BBX: variants seen among roughly 807,000 people sequenced by gnomAD.
BBX encodes the protein HMG box transcription factor BBX.
BBX carries 30 observed loss-of-function variants against 100.2 expected under a neutral mutation model. The ratio of observed to expected loss-of-function variants is 0.30; its 90% CI spans 0.22 to 0.41. The LOEUF (loss-of-function observed/expected upper bound fraction) is 0.41, where lower values mean the gene tolerates loss of function less well. BBX is among the 10% of genes least tolerant of loss of function. The pLI, the probability that BBX is intolerant of heterozygous loss-of-function variation, is 1.00. For missense variants in BBX, 1,023 were observed against 1,129.8 expected, an observed-to-expected ratio of 0.91 and a Z score of 1.35; for synonymous variants, 376 against 388.1, an observed-to-expected ratio of 0.97 and a Z score of 0.37.
At chr3:107,636,888 T>C (rs532185937) in intron 2 of BBX, among the ~76,000 whole-genome samples, 6 of 152,232 alleles carry the variant, frequency 3.9e-5, no homozygotes, top group Non-Finnish European at 7.3e-5. Context: ...CTGTAGAGAA[T>C]GTGCTTAGTT....
At chr3:107,579,991 C>T (rs920850646) in intron 2 of BBX, among the ~76,000 whole-genome samples, 2 of 151,816 alleles carry the variant, frequency 1.3e-5, no homozygotes, top group South Asian at 2.1e-4. Flanking sequence ...ATATTTATGG[C>T]GGTGGATTTT....
In BBX at chr3:107,710,528, G is replaced by A. The variant is rs777321618; in HGVS notation, c.68G>A (p.Arg23Gln). Residue 23 changes from arginine to glutamine, a missense_variant, in exon 4 of 18, where the codon CGA becomes CAA. Physicochemically the swap from Arg to Gln is conservative, Grantham distance 43. This residue lies in a region of BBX where 229 missense variants were observed against 226.3 expected (regional missense o/e 1.01). Transcript: ENST00000325805. The part of the protein sequence containing the change: ...EGEGVGKRPK[R>Q]KCLQWHPLLA... Reference sequence around the variant, plus strand: ...GAAGGGGTTGGAAAACGACCAAAACGAAAGTGTCTTCAGTGGCATCCATTG... The same window carrying A: ...GAAGGGGTTGGAAAACGACCAAAACAAAAGTGTCTTCAGTGGCATCCATTG... The A allele has an allele frequency of 8.7e-6, 14 of 1,613,668 alleles. No individual in the cohort carries two copies. Among genetic ancestry groups the A allele is most frequent in the African/African-American group, 2.7e-5 (2 of 74,872 alleles).
At position 107,773,208 on chromosome 3, in the gene BBX, G is replaced by A; in HGVS notation, c.1487G>A (p.Gly496Glu). Residue 496 changes from glycine to glutamate, a missense_variant, in exon 11 of 18, where the codon GGA becomes GAA. Around this residue, in one of 9 missense-constraint regions of BBX, gnomAD observed 348 missense variants for 353.2 expected, o/e 0.99. Transcript: ENST00000325805. The surrounding 1 kb of genome is among the most constrained non-coding windows in gnomAD (Gnocchi z 4.1). ...VIYTIEAVAK[G>E]DWGIEKLGDT... is the part of the protein sequence containing the mutation. ...TATACCATTGAAGCCGTCGCAAAAG[G>A]AGACTGGGGCATAGAGAAACTTGGA... is the stretch of plus-strand genomic sequence containing the variant. 6.2e-7 allele frequency: 1 copy of A among 1,614,096 alleles called. No homozygotes were observed. Among genetic ancestry groups the A allele is most frequent in the Non-Finnish European group, 8.5e-7 (1 of 1,180,002 alleles).
At chr3:107,720,785 A>G (rs2062473547) in intron 5 of BBX, among the ~76,000 whole-genome samples, 1 of 152,014 alleles carries the variant, frequency 6.6e-6, no homozygotes, top group African/African-American at 2.4e-5. Flanking sequence ...TAGTTCTTTC[A>G]TATTTCTTCA....
intron 2 of BBX, among the ~76,000 whole-genome samples, chr3:107,574,849 A>G (rs565582279): frequency 2.0e-5 from 3 of 152,282 alleles, no homozygotes; most frequent in Non-Finnish European, 2.9e-5. Context: ...GTATAAGCCA[A>G]CTCAAGTGGA....
chr3:107,627,447 GGTTATTTAGGTT>G (rs2056262774), intron 2 of BBX, among the ~76,000 whole-genome samples: 1 of 152,168 alleles, frequency 6.6e-6, no homozygotes, highest in Non-Finnish European at 1.5e-5. Flanking sequence ...TTGTTATTTA[GGTTATTTAGGTT>G]GTTATTTAGG....
intron 3 of BBX, among the ~76,000 whole-genome samples, chr3:107,667,672 A>G (rs2058823209): frequency 1.3e-5 from 2 of 151,966 alleles, no homozygotes; most frequent in South Asian, 2.1e-4. Context: ...TTTGAACTGC[A>G]TATTTTTTAC....
rs775375736 is a variant in BBX at position 107,778,445 on chromosome 3, G to A, written c.2129G>A (p.Arg710Gln). The A allele has an allele frequency of 6.2e-6, 10 of 1,613,132 alleles. No homozygotes were observed. The highest frequency in any genetic ancestry group is 4.5e-5 in the East Asian group (2 of 44,874). ...LPQYSPVTFDRKCVPVPRKKK... is the reference protein window; with the variant it reads ...LPQYSPVTFDQKCVPVPRKKK... ...CAATATAGTCCTGTTACATTTGACC[G>A]GAAATGTGTACCTGTCCCAAGAAAA... The change falls in exon 13 of 18, where the codon CGG (arginine) becomes CAG (glutamine). Residue 710 changes from arginine to glutamine, a missense_variant. Transcript: ENST00000325805.
intron 7 of BBX, among the ~76,000 whole-genome samples, chr3:107,735,239 G>A (rs1446453894): frequency 6.6e-6 from 1 of 152,062 alleles, no homozygotes; most frequent in Non-Finnish European, 1.5e-5. Flanking sequence ...ACATGATAAT[G>A]AACTTTAAGA....
intron 2 of BBX, among the ~76,000 whole-genome samples, chr3:107,635,146 C>G (rs1185275437): frequency 5.9e-5 from 9 of 152,074 alleles, no homozygotes; most frequent in Non-Finnish European, 1.3e-4. Flanking sequence ...AACACTGTGC[C>G]TCTTCAAGCT....
At chr3:107,744,407 G>A (rs2064396630) in intron 7 of BBX, among the ~76,000 whole-genome samples, 1 of 152,104 alleles carries the variant, frequency 6.6e-6, no homozygotes. Flanking sequence ...TTGAATAACA[G>A]TTGACTACCA....
At chr3:107,524,361 T>G (rs1377157100) in intron 1 of BBX, 1 of 152,150 alleles carries the variant, frequency 6.6e-6, no homozygotes, top group Non-Finnish European at 1.5e-5. Flanking sequence ...GAAATCAGAC[T>G]CGAGGTTTCT....
chr3:107,662,845 A>T (rs907083628), intron 3 of BBX: 5 of 152,170 alleles, frequency 3.3e-5, no homozygotes, highest in African/African-American at 1.2e-4. Context: ...CTAACACCGG[A>T]AATATTTACC....
At chr3:107,665,892 G>A (rs865896389) in intron 3 of BBX, among the ~76,000 whole-genome samples, 20 of 152,292 alleles carry the variant, frequency 1.3e-4, no homozygotes, top group African/African-American at 4.6e-4. Context: ...ATCTGGTGCT[G>A]AAGGCAAGTT....
intron 2 of BBX, among the ~76,000 whole-genome samples, chr3:107,562,471 T>A (rs1027103283): frequency 6.6e-6 from 1 of 152,172 alleles, no homozygotes; most frequent in Non-Finnish European, 1.5e-5. Context: ...TCTATATAAG[T>A]AATAAAAATC....
intron 4 of BBX, among the ~76,000 whole-genome samples, chr3:107,713,683 A>G (rs577859646): frequency 1.2e-4 from 18 of 152,294 alleles, no homozygotes; most frequent in South Asian, 6.2e-4. Flanking sequence ...TTATTGGTCC[A>G]TACAGTTCCA....
At chr3:107,777,412 A>G (rs938988166) in intron 12 of BBX, among the ~76,000 whole-genome samples, 24 of 152,304 alleles carry the variant, frequency 1.6e-4, no homozygotes, top group African/African-American at 5.5e-4. Flanking sequence ...CCCCTTAGCT[A>G]GCAGCCTAAC....
intron 17 of BBX, among the ~76,000 whole-genome samples, chr3:107,803,011 C>G (rs113427920): frequency 3.9e-5 from 6 of 152,318 alleles, no homozygotes; most frequent in African/African-American, 1.2e-4. Flanking sequence ...GTCGATACTT[C>G]TGTCTACTTT....
At chr3:107,620,171 T>G (rs569018366) in intron 2 of BBX, among the ~76,000 whole-genome samples, 115 of 152,310 alleles carry the variant, frequency 7.6e-4, no homozygotes, top group Admixed American at 2.2e-3. Flanking sequence ...TCCATTCTAC[T>G]GTTGAGCCCA....
Sources: allele counts gnomAD v4.1 joint callset (sites outside exome capture counted in the v4.1 genomes callset), GRCh38; gene constraint gnomAD v4.1.1; regional missense constraint gnomAD v4.1.1; non-coding constraint Gnocchi (gnomAD v3.1); transcripts MANE v1.5; gene names NCBI Gene and HGNC (gene_info 2026-07-23, HGNC 2026-07-21).